The following SLC24A2 variants were observed in gnomAD, a reference collection of about 807,000 sequenced individuals.
SLC24A2 encodes the protein sodium/potassium/calcium exchanger 2.
SLC24A2 carries 36 observed loss-of-function variants against 62.0 expected under a neutral mutation model. That is an observed-to-expected ratio of 0.58 (90% CI 0.44 to 0.77). The LOEUF is 0.77. Ranked by LOEUF, SLC24A2 falls within the 30% of genes least tolerant of loss-of-function variation. The pLI is 0.00. For missense variants in SLC24A2, 846 were observed against 817.9 expected (o/e 1.03, Z -0.42); for synonymous variants, 358 against 294.0 (o/e 1.22, Z -2.23).
At chr9:19,925,890 T>C in the SLC24A2 span, among the ~76,000 whole-genome samples, 1 of 152,204 alleles carries the variant, frequency 6.6e-6, no homozygotes, top group Non-Finnish European at 1.5e-5. Context: ...GAATCCTTTT[T>C]AAAGAAATTG....
chr9:19,920,903 T>C, the SLC24A2 span, among the ~76,000 whole-genome samples: 1 of 152,172 alleles, frequency 6.6e-6, no homozygotes, highest in Non-Finnish European at 1.5e-5. Flanking sequence ...TGCTCCTGTT[T>C]GTATGTGACC....
intron 4 of SLC24A2, among the ~76,000 whole-genome samples, chr9:19,600,309 T>G (rs1163395541): frequency 6.6e-6 from 1 of 152,188 alleles, no homozygotes; most frequent in Admixed American, 6.5e-5. Context: ...CCATGACCAA[T>G]TTTCTCCCTT....
At chr9:20,042,061 G>A in the SLC24A2 span, among the ~76,000 whole-genome samples, 1 of 152,220 alleles carries the variant, frequency 6.6e-6, no homozygotes, top group Admixed American at 6.5e-5. Context: ...CATTTGCCTG[G>A]TACTTCCTGG....
At chr9:20,258,804 C>CTATCTATCTATCTATCTATCT in the SLC24A2 span, among the ~76,000 whole-genome samples, 39 of 124,346 alleles carry the variant, frequency 3.1e-4, no homozygotes, top group African/African-American at 9.1e-4. Context: ...ATCTATCTAT[C>CTATCTATCTATCTATCTATCT]TATCTATCTA....
At chr9:19,939,794 C>A in the SLC24A2 span, among the ~76,000 whole-genome samples, 1 of 152,194 alleles carries the variant, frequency 6.6e-6, no homozygotes, top group Non-Finnish European at 1.5e-5. Context: ...TCATGCAGCA[C>A]GTGACTATAA....
At chr9:19,790,478 G>C (rs2118962482), upstream of SLC24A2, among the ~76,000 whole-genome samples, 1 of 149,772 alleles carries the variant, frequency 6.7e-6, no homozygotes, top group African/African-American at 2.5e-5. Flanking sequence ...GTGTCAAGAA[G>C]GGGACAATTC....
At chr9:19,806,570 A>G in the SLC24A2 span, among the ~76,000 whole-genome samples, 1 of 152,302 alleles carries the variant, frequency 6.6e-6, no homozygotes, top group African/African-American at 2.4e-5. Context: ...TTAACATTCC[A>G]CAGTGAAGAT....
chr9:20,096,362 G>A, the SLC24A2 span, among the ~76,000 whole-genome samples: 1 of 152,034 alleles, frequency 6.6e-6, no homozygotes, highest in Non-Finnish European at 1.5e-5. Flanking sequence ...ATGTATCACT[G>A]ATTATTGATT....
the SLC24A2 span, among the ~76,000 whole-genome samples, chr9:19,865,198 G>A: frequency 3.3e-3 from 501 of 152,124 alleles, 1 homozygote; most frequent in African/African-American, 0.011. Context: ...ACCAGAAAAT[G>A]GAAAGGTATT....
chr9:19,964,760 G>A, the SLC24A2 span, among the ~76,000 whole-genome samples: 1 of 152,310 alleles, frequency 6.6e-6, no homozygotes. Flanking sequence ...CACTTTGTTG[G>A]CGTGAAGCAG....
At chr9:20,089,269 C>T in the SLC24A2 span, among the ~76,000 whole-genome samples, 12 of 152,030 alleles carry the variant, frequency 7.9e-5, no homozygotes, top group African/African-American at 1.9e-4. Flanking sequence ...ATACAGGTCC[C>T]GGTCCCGGTC....
chr9:19,911,442 A>T, the SLC24A2 span, among the ~76,000 whole-genome samples: 8 of 152,138 alleles, frequency 5.3e-5, no homozygotes, highest in African/African-American at 1.7e-4. Flanking sequence ...CAGTAATGGG[A>T]TGCCTGGGTC....
the SLC24A2 span, among the ~76,000 whole-genome samples, chr9:20,171,448 A>G: frequency 2.0e-5 from 3 of 152,172 alleles, no homozygotes; most frequent in South Asian, 2.1e-4. Context: ...TTCACCAACC[A>G]TCTGTCTGCT....
the SLC24A2 span, among the ~76,000 whole-genome samples, chr9:20,276,338 C>G: frequency 1.3e-5 from 2 of 152,212 alleles, no homozygotes; most frequent in African/African-American, 4.8e-5. Context: ...CAAAATCCAG[C>G]TGGGCAGGCA....
chr9:20,247,088 C>T, the SLC24A2 span, among the ~76,000 whole-genome samples: 1 of 152,206 alleles, frequency 6.6e-6, no homozygotes, highest in African/African-American at 2.4e-5. Flanking sequence ...TGCTAAGTGC[C>T]TCTGCTTACT....
the SLC24A2 span, among the ~76,000 whole-genome samples, chr9:19,868,549 C>G: frequency 1.3e-5 from 2 of 152,164 alleles, no homozygotes; most frequent in African/African-American, 4.8e-5. Context: ...AAATTTCTGT[C>G]TAGCTGTTCT....
chr9:19,874,060 T>G, the SLC24A2 span, among the ~76,000 whole-genome samples: 1 of 145,524 alleles, frequency 6.9e-6, no homozygotes, highest in African/African-American at 2.7e-5. Context: ...GATATTGTTC[T>G]TTTTCTTTTC....
chr9:19,615,235 TCC>T (rs1295975033), intron 4 of SLC24A2, among the ~76,000 whole-genome samples: 1 of 152,162 alleles, frequency 6.6e-6, no homozygotes, highest in East Asian at 1.9e-4. Context: ...TTTGAATAGT[TCC>T]CTTTTGAACA....
At chr9:19,917,932 G>A in the SLC24A2 span, among the ~76,000 whole-genome samples, 19 of 152,190 alleles carry the variant, frequency 1.2e-4, no homozygotes, top group South Asian at 3.9e-3. Context: ...CTTTGGTAAT[G>A]GCAATGCCTG....
Sources: allele counts gnomAD v4.1 joint callset (sites outside exome capture counted in the v4.1 genomes callset), GRCh38; gene constraint gnomAD v4.1.1; transcripts MANE v1.5; gene names NCBI Gene and HGNC (gene_info 2026-07-23, HGNC 2026-07-21).